RIPOR3: variants seen among roughly 807,000 people sequenced by gnomAD.
RIPOR3 encodes RIPOR family member 3, also known as family with sequence similarity 65 member C.
RIPOR3 carries 95 observed loss-of-function variants against 114.3 expected under a neutral mutation model. The observed-to-expected ratio is 0.83, with a 90% CI of 0.70 to 0.99. The LOEUF (loss-of-function observed/expected upper bound fraction) is 0.99. Among genes scored for constraint, RIPOR3 ranks in the 50% least tolerant of loss-of-function variants. RIPOR3 has a pLI of 0.00. For synonymous variants in RIPOR3, 575 were observed against 543.8 expected (o/e 1.06, Z -0.80); for missense variants, 1,252 against 1,266.9 (o/e 0.99, Z 0.18).
chr20:50,609,007 T>C (rs530704953), intron 8 of RIPOR3, 52 bp from the exon 9 acceptor site: 2 of 1,553,278 alleles, frequency 1.3e-6, no homozygotes, highest in Non-Finnish European at 8.7e-7. Context: ...CTCCCTGACC[T>C]GGGACCACAG....
chr20:50,638,864 C>A (rs1221884741), intron 1 of RIPOR3, among the ~76,000 whole-genome samples: 1 of 152,062 alleles, frequency 6.6e-6, no homozygotes, highest in African/African-American at 2.4e-5. Context: ...GCATTTGGAG[C>A]CTGGAGAGAG....
At chr20:50,590,466 AG>A (rs1342522555) in intron 19 of RIPOR3, among the ~76,000 whole-genome samples, 2 of 152,164 alleles carry the variant, frequency 1.3e-5, no homozygotes, top group African/African-American at 4.8e-5. Context: ...GGGGCGATGG[AG>A]GGGCCCAGGT....
In RIPOR3 at chr20:50,691,217, C is replaced by T. The variant is rs2087201719; in HGVS notation, c.-89G>A. On this transcript the variant is annotated 5_prime_UTR_variant, in exon 1 of 22. An upstream start codon of the reference 5' UTR is lost. Coordinates refer to ENST00000327979, the MANE Select transcript of RIPOR3 (RefSeq NM_001290268.2). ...ATTGCCGCCAGCAAGCGTCTGCTCCCATCTGGCCCGGGACTCCCGGACTCG... is the reference window on the plus strand; with the variant it reads ...ATTGCCGCCAGCAAGCGTCTGCTCCTATCTGGCCCGGGACTCCCGGACTCG... 1 of 1,287,706 alleles carries T rather than the reference C, an allele frequency of 7.8e-7. No homozygotes were observed. Among genetic ancestry groups the T allele is most frequent in the Non-Finnish European group, 1.0e-6 (1 of 987,420 alleles). 79.8% of individuals were successfully genotyped at this position (1,287,706 alleles called of 1,614,324 possible). A position where few individuals can be genotyped will look rare whatever the true frequency, so the allele number is the denominator to read the frequency against.
intron 1 of RIPOR3, among the ~76,000 whole-genome samples, chr20:50,678,867 G>T (rs1285928653): frequency 6.6e-6 from 1 of 151,708 alleles, no homozygotes; most frequent in Non-Finnish European, 1.5e-5. Flanking sequence ...ACTTTGGGAG[G>T]CCCAGGTGGG....
chr20:50,588,023 T>A lies in RIPOR3; in HGVS notation c.2662-131A>T. ...CTCAGCCCCTTCCTTTTCTCCAGGC[T>A]TCCAGGTTTTTTAGGTGGCCTCAGG... is the stretch of plus-strand genomic sequence containing the variant. On this transcript the variant is annotated intron_variant, in intron 20 of 21. Coordinates refer to ENST00000327979, the MANE Select transcript of RIPOR3 (RefSeq NM_001290268.2). 4.9e-6 allele frequency: 4 copies of A among 813,696 alleles called. No homozygotes were observed. The South Asian group carries it at 7.3e-5, about 15-fold the overall frequency. 50.4% of individuals were successfully genotyped at this position (813,696 alleles called of 1,614,324 possible).
chr20:50,594,275 C>CAAAA (rs35958484), intron 17 of RIPOR3, among the ~76,000 whole-genome samples: 6 of 77,622 alleles, frequency 7.7e-5, no homozygotes, highest in African/African-American at 2.3e-4. Context: ...GACTCCATCT[C>CAAAA]AAAAAAAAAA....
At chr20:50,671,696 C>T (rs1228669961) in intron 1 of RIPOR3, among the ~76,000 whole-genome samples, 1 of 152,054 alleles carries the variant, frequency 6.6e-6, no homozygotes, top group Admixed American at 6.6e-5. Context: ...ATTGTGAGGA[C>T]CACGAAAATG....
At chr20:50,652,138 C>T (rs1182982503) in intron 1 of RIPOR3, among the ~76,000 whole-genome samples, 1 of 152,160 alleles carries the variant, frequency 6.6e-6, no homozygotes, top group East Asian at 1.9e-4. Context: ...AAGCCTGAGG[C>T]CAAGGCCTTA....
intron 2 of RIPOR3, among the ~76,000 whole-genome samples, chr20:50,621,401 G>A (rs1466681915): frequency 2.0e-5 from 3 of 152,254 alleles, no homozygotes; most frequent in African/African-American, 7.2e-5. Flanking sequence ...GTGGTTTGGG[G>A]GAAAGGTAGC....
chr20:50,604,743 G>A lies in RIPOR3; in HGVS notation c.988C>T (p.Pro330Ser), dbSNP rs1238953482. The A allele has an allele frequency of 3.7e-6, 6 of 1,608,812 alleles. No individual in the cohort carries two copies. The highest frequency in any genetic ancestry group is 2.3e-5 in the East Asian group (1 of 44,334). ...ATAGAAAACTTGCCCGTGGGGCTGG[G>A]TGACACCAGGAAGCTCTCAGTATCA... ...PFDTESFLVSPSPTGKFSMGS... is the reference protein window; with the variant it reads ...PFDTESFLVSSSPTGKFSMGS... The change falls in exon 12 of 22, where the codon CCC (proline) becomes TCC (serine). Residue 330 changes from proline to serine, a missense_variant. Transcript: ENST00000327979.
chr20:50,605,572 C>T (rs1394582919), intron 11 of RIPOR3, among the ~76,000 whole-genome samples: 1 of 152,022 alleles, frequency 6.6e-6, no homozygotes, highest in Non-Finnish European at 1.5e-5. Flanking sequence ...AGTTCGAGAC[C>T]AGCCTCCATA....
At position 50,610,901 on chromosome 20, in the gene RIPOR3, C is replaced by T. The variant is rs140081511; in HGVS notation, c.378G>A (p.Thr126=). 176 of 1,614,192 alleles carry T rather than the reference C, an allele frequency of 1.1e-4. No individual in the cohort carries two copies. The African/African-American group carries it at 1.4e-3, about 13-fold the overall frequency. ...LAFYYDLDKQ[T]RCVERHIRKM... is the part of the protein sequence containing the mutation. ...TCCGAATGTGCCTTTCCACACAGCGCGTTTGCTTCTCCCGGAAAAAGGGAA... is the reference window on the plus strand; with the variant it reads ...TCCGAATGTGCCTTTCCACACAGCGTGTTTGCTTCTCCCGGAAAAAGGGAA... Residue 126 remains threonine, a synonymous_variant, in exon 6 of 22, where the codon ACG becomes ACA. Coordinates refer to ENST00000327979, the MANE Select transcript of RIPOR3 (RefSeq NM_001290268.2).
intron 1 of RIPOR3, among the ~76,000 whole-genome samples, chr20:50,655,830 G>A (rs2085791934): frequency 6.6e-6 from 1 of 151,840 alleles, no homozygotes; most frequent in Non-Finnish European, 1.5e-5. Context: ...AGACCTTCAT[G>A]TTTTATCTTC....
chr20:50,684,522 G>T (rs1002672111), intron 1 of RIPOR3, among the ~76,000 whole-genome samples: 12 of 152,248 alleles, frequency 7.9e-5, no homozygotes, highest in African/African-American at 2.9e-4. Context: ...GGTGGGACCA[G>T]GGCTGGAGAT....
At chr20:50,632,386 G>A (rs969919806) in intron 1 of RIPOR3, among the ~76,000 whole-genome samples, 15 of 152,148 alleles carry the variant, frequency 9.9e-5, no homozygotes, top group Admixed American at 3.3e-4. Flanking sequence ...GAGACATGTC[G>A]GAAGAGCTGG....
At chr20:50,622,692 C>CAG (rs139986638) in intron 2 of RIPOR3, among the ~76,000 whole-genome samples, 16,287 of 150,266 alleles carry the variant, frequency 0.11, 1,280 homozygotes, top group African/African-American at 0.23. Flanking sequence ...CTCTGGACTG[C>CAG]AGAGAGAGAG....
At chr20:50,653,415 A>G (rs6096049) in intron 1 of RIPOR3, among the ~76,000 whole-genome samples, 11,678 of 151,872 alleles carry the variant, frequency 0.077, 596 homozygotes, top group African/African-American at 0.14. Flanking sequence ...TATGCCAAAA[A>G]AAAGAAAAAA....
At chr20:50,595,283 A>G (rs1469232841) in intron 16 of RIPOR3, 86 bp downstream of exon 16, 25 of 1,528,820 alleles carry the variant, frequency 1.6e-5, no homozygotes, top group Non-Finnish European at 2.2e-5. Flanking sequence ...TCTGGCTATT[A>G]GGAAGGCAGA....
At chr20:50,668,457 A>G (rs1445641922) in intron 1 of RIPOR3, among the ~76,000 whole-genome samples, 5 of 151,946 alleles carry the variant, frequency 3.3e-5, no homozygotes, top group Non-Finnish European at 7.4e-5. Flanking sequence ...AGAGGCCCCA[A>G]CCTTTGCGCC....
Sources: allele counts gnomAD v4.1 joint callset (sites outside exome capture counted in the v4.1 genomes callset), GRCh38; gene constraint gnomAD v4.1.1; transcripts MANE v1.5; gene names NCBI Gene and HGNC (gene_info 2026-07-23, HGNC 2026-07-21).